Variants in NHLRC2 observed in about 807,000 individuals in gnomAD.
The protein encoded by NHLRC2 is NHL repeat-containing protein 2.
Under a neutral mutation model 68.1 loss-of-function variants are expected in NHLRC2, and 33 were observed. The ratio of observed to expected loss-of-function variants is 0.48; its 90% CI spans 0.37 to 0.65. The LOEUF (loss-of-function observed/expected upper bound fraction) is 0.65, where lower values mean the gene tolerates loss of function less well. Among genes scored for constraint, NHLRC2 ranks in the 30% least tolerant of loss-of-function variants. The pLI, the probability that NHLRC2 is intolerant of heterozygous loss-of-function variation, is 0.00. For synonymous variants in NHLRC2, 311 were observed against 309.6 expected (o/e 1.00, Z -0.05); for missense variants, 761 against 853.8 (o/e 0.89, Z 1.35).
chr10:113,899,120 C>T (rs1476683543), intron 6 of NHLRC2, among the ~76,000 whole-genome samples: 1 of 152,056 alleles, frequency 6.6e-6, no homozygotes, highest in Non-Finnish European at 1.5e-5. Flanking sequence ...ACCCGCTGCC[C>T]CTTCCTCTTT....
intron 5 of NHLRC2, among the ~76,000 whole-genome samples, chr10:113,893,720 T>C (rs1846152731): frequency 6.6e-6 from 1 of 152,112 alleles, no homozygotes; most frequent in Non-Finnish European, 1.5e-5. Context: ...AGCTTTTGCC[T>C]TATTATAGTA....
At chr10:113,898,492 G>A (rs1846198571) in intron 6 of NHLRC2, among the ~76,000 whole-genome samples, 1 of 152,194 alleles carries the variant, frequency 6.6e-6, no homozygotes, top group South Asian at 2.1e-4. Context: ...GAGGTAGTAA[G>A]TCACTCACTG....
At chr10:113,872,510 T>C (rs550455172) in intron 2 of NHLRC2, among the ~76,000 whole-genome samples, 1 of 152,114 alleles carries the variant, frequency 6.6e-6, no homozygotes, top group East Asian at 1.9e-4. Flanking sequence ...TGCTTCATAC[T>C]GGATTAAATA....
chr10:113,880,789 T>A (rs1012198062), intron 4 of NHLRC2, among the ~76,000 whole-genome samples: 4 of 151,966 alleles, frequency 2.6e-5, no homozygotes, highest in African/African-American at 9.7e-5. Flanking sequence ...GATGAATTTA[T>A]GAGCAAATAA....
In NHLRC2 at chr10:113,889,238, T is replaced by A. The variant is rs189813298; in HGVS notation, c.1039+4858T>A. ...ACCTTTCTTGGCCCTTTAATCAACA[T>A]TTTCCCTAGATAGAAGTTTAGCCAT... On this transcript the variant is annotated intron_variant, in intron 5 of 10. Transcript: ENST00000369301. Among the ~76,000 whole-genome samples the A allele has an allele frequency of 1.1e-4, 16 of 152,262 alleles. No individual in the cohort carries two copies. The East Asian group carries it at 3.1e-3, about 29-fold the overall frequency.
intron 5 of NHLRC2, among the ~76,000 whole-genome samples, chr10:113,889,105 G>A (rs1044711470): frequency 2.0e-5 from 3 of 152,070 alleles, no homozygotes; most frequent in South Asian, 2.1e-4. Context: ...GGGATTACAG[G>A]TATGAGCCAC....
In NHLRC2 at chr10:113,915,600, A is replaced by C. The variant is rs1438838350; in HGVS notation, c.*7064A>C. Reference sequence around the variant, plus strand: ...GTAGACAAAATCAGCTCTCAGACTTAACTCTCCCCAATTAAAATAGTTTTT... The same window carrying C: ...GTAGACAAAATCAGCTCTCAGACTTCACTCTCCCCAATTAAAATAGTTTTT... On this transcript the variant is annotated 3_prime_UTR_variant, in exon 11 of 11. Transcript: ENST00000369301. The C allele has an allele frequency of 4.3e-6, 1 of 233,962 alleles. No individual in the cohort carries two copies. Among genetic ancestry groups the C allele is most frequent in the Non-Finnish European group, 8.4e-6 (1 of 118,768 alleles). The allele number at this position is 233,962 out of a possible 1,614,324, so 14.5% of individuals were successfully genotyped here. A position where few individuals can be genotyped will look rare whatever the true frequency, so the allele number is the denominator to read the frequency against.
At chr10:113,861,753 A>G (rs1425435652) in intron 2 of NHLRC2, among the ~76,000 whole-genome samples, 1 of 152,226 alleles carries the variant, frequency 6.6e-6, no homozygotes, top group Non-Finnish European at 1.5e-5. Flanking sequence ...AAGTATAAAA[A>G]CTAGTGTTAC....
chr10:113,879,731 A>G (rs191955903), intron 4 of NHLRC2, 36 bp downstream of exon 4: 939 of 1,310,476 alleles, frequency 7.2e-4, no homozygotes, highest in Non-Finnish European at 7.7e-4. Context: ...AATACTTACA[A>G]TCAGAAAAAG....
chr10:113,854,932 G>T lies in NHLRC2; in HGVS notation c.60G>T (p.Ser20=). 6.4e-7 allele frequency: 1 copy of T among 1,554,428 alleles called. No homozygotes were observed. Among genetic ancestry groups the T allele is most frequent in the Non-Finnish European group, 8.7e-7 (1 of 1,148,582 alleles). The change falls in exon 1 of 11, where the codon TCG becomes TCT. Residue 20 remains serine, a synonymous_variant. Transcript: ENST00000369301. The stretch of plus-strand genomic sequence containing the variant: ...CCGGCCTGCTCCCCGCGCAGACCTC[G>T]CTAGAGTACGCCCTGCTCGACGCCG... ...SLSGLLPAQT[S]LEYALLDAVT... is the part of the protein sequence containing the mutation.
At position 113,860,351 on chromosome 10, in the gene NHLRC2, A is replaced by G. The variant is rs546299195; in HGVS notation, c.331+1671A>G. Among the ~76,000 whole-genome samples, 5 of 152,316 alleles carry G rather than the reference A, an allele frequency of 3.3e-5. No homozygotes were observed. The South Asian group carries it at 1.0e-3, about 32-fold the overall frequency. ...CTAGAATGGATCCTTATAATCTCCT[A>G]CTAGTTTACTGGAAACATTGTTTTT... is the stretch of plus-strand genomic sequence containing the variant. On this transcript the variant is annotated intron_variant, in intron 2 of 10. Coordinates refer to ENST00000369301, the MANE Select transcript of NHLRC2 (RefSeq NM_198514.4).
At chr10:113,858,839 A>G in intron 2 of NHLRC2, 159 bp downstream of exon 2, 4 of 504,378 alleles carry the variant, frequency 7.9e-6, no homozygotes, top group Non-Finnish European at 1.4e-5. Context: ...GTACCTTTTC[A>G]TAAAGGATTA....
intron 5 of NHLRC2, among the ~76,000 whole-genome samples, chr10:113,887,357 C>A (rs1846091830): frequency 6.6e-6 from 1 of 152,182 alleles, no homozygotes; most frequent in African/African-American, 2.4e-5. Context: ...TTAACAAAGG[C>A]ATTTAAATTG....
At chr10:113,885,087 C>A (rs992668897) in intron 5 of NHLRC2, among the ~76,000 whole-genome samples, 1 of 151,724 alleles carries the variant, frequency 6.6e-6, no homozygotes, top group African/African-American at 2.4e-5. Context: ...TAATTTTGGA[C>A]TAAATGGTTG....
intron 2 of NHLRC2, among the ~76,000 whole-genome samples, chr10:113,867,933 A>G (rs1051064400): frequency 3.9e-5 from 6 of 151,966 alleles, no homozygotes; most frequent in Non-Finnish European, 8.8e-5. Context: ...AAAAATATGT[A>G]TTTTAAAAAG....
chr10:113,911,210 G>A lies in NHLRC2; in HGVS notation c.*2674G>A, dbSNP rs567538836. The A allele has an allele frequency of 9.9e-5, 15 of 152,076 alleles. No homozygotes were observed. Among genetic ancestry groups the A allele is most frequent in the African/African-American group, 3.6e-4 (15 of 41,520 alleles). 9.4% of individuals were successfully genotyped at this position (152,076 alleles called of 1,614,324 possible). On this transcript the variant is annotated 3_prime_UTR_variant, in exon 11 of 11. Coordinates refer to ENST00000369301, the MANE Select transcript of NHLRC2 (RefSeq NM_198514.4). ...AATCTTTGCCCTAAATTATTCTGCTGGTTTGTCGCTATTTTTTTCCTCTCC... is the reference window on the plus strand; with the variant it reads ...AATCTTTGCCCTAAATTATTCTGCTAGTTTGTCGCTATTTTTTTCCTCTCC...
intron 2 of NHLRC2, among the ~76,000 whole-genome samples, chr10:113,863,133 T>C (rs1196744439): frequency 6.6e-6 from 1 of 152,168 alleles, no homozygotes. Flanking sequence ...ACCCAATATA[T>C]ACAGGACACT....
chr10:113,908,579 C>T lies in NHLRC2; in HGVS notation c.*43C>T. ...AACCCATTGCCACCACCTACTGTCT[C>T]CCATCCTGACTATCACTGTAATTTA... On this transcript the variant is annotated 3_prime_UTR_variant, in exon 11 of 11. Transcript: ENST00000369301. 6.2e-7 allele frequency: 1 copy of T among 1,600,998 alleles called. No homozygotes were observed. The highest frequency in any genetic ancestry group is 1.7e-5 in the Admixed American group (1 of 59,686).
intron 5 of NHLRC2, among the ~76,000 whole-genome samples, chr10:113,897,793 A>G (rs1268071806): frequency 6.6e-6 from 1 of 152,240 alleles, no homozygotes; most frequent in Non-Finnish European, 1.5e-5. Flanking sequence ...AGATGTTTAA[A>G]ACATTGTTAA....
Sources: gnomAD v4.1 joint callset for allele counts (sites outside exome capture counted in the v4.1 genomes callset) on GRCh38, gnomAD v4.1.1 for gene constraint, MANE v1.5 for transcripts, NCBI Gene and HGNC (gene_info 2026-07-23, HGNC 2026-07-21) for gene names.